Variants in SPINK5 observed in about 807,000 individuals in gnomAD.
The protein encoded by SPINK5 is serine peptidase inhibitor Kazal type 5.
In SPINK5, 125 loss-of-function variants were observed where a neutral mutation model predicts 151.8. The ratio of observed to expected loss-of-function variants is 0.82; its 90% CI spans 0.71 to 0.96. SPINK5 has a LOEUF of 0.96. SPINK5 is among the 40% of genes least tolerant of loss of function. The pLI is 0.00. For missense variants in SPINK5, 1,194 were observed against 1,291.9 expected (o/e 0.92, Z 1.16); for synonymous variants, 374 against 395.3 (o/e 0.95, Z 0.64).
chr5:148,123,727 C>T (rs1754352446), intron 26 of SPINK5, 106 bp from the exon 27 acceptor site: 1 of 1,502,622 alleles, frequency 6.7e-7, no homozygotes, highest in South Asian at 1.2e-5. Flanking sequence ...TTTCACTTCT[C>T]TGTTTTTTTC....
At chr5:148,136,938 A>G (rs766055153) in intron 32 of SPINK5, 45 bp from the exon 33 acceptor site, 1 of 1,612,678 alleles carries the variant, frequency 6.2e-7, no homozygotes, top group Non-Finnish European at 8.5e-7. Flanking sequence ...CATTTCTGCA[A>G]TATCTCTGGG....
rs548838848 is a variant in SPINK5, at chr5:148,101,837, A to C, written c.1359A>C (p.Arg453Ser). The stretch of plus-strand genomic sequence containing the variant: ...AAAACGGACGGCTTTTTTGCACCAG[A>C]GAGAATGACCCCATCCAGGGCCCAG... ...SRKNGRLFCT[R>S]ENDPIQGPDG... The change falls in exon 15 of 33, where the codon AGA (arginine) becomes AGC (serine). Residue 453 changes from arginine to serine, a missense_variant. Transcript: ENST00000256084. 1 of 1,613,858 alleles carries C rather than the reference A, an allele frequency of 6.2e-7. No individual in the cohort carries two copies. The highest frequency in any genetic ancestry group is 1.1e-5 in the South Asian group (1 of 91,082).
intron 26 of SPINK5, among the ~76,000 whole-genome samples, chr5:148,123,533 A>G (rs1294438644): frequency 7.2e-5 from 2 of 27,634 alleles, no homozygotes; most frequent in African/African-American, 1.7e-4. Context: ...ATATATATAT[A>G]TATATATATA....
At chr5:148,079,445 C>A (rs1314820617) in intron 4 of SPINK5, among the ~76,000 whole-genome samples, 3 of 151,008 alleles carry the variant, frequency 2.0e-5, no homozygotes, top group Non-Finnish European at 4.5e-5. Context: ...ATGTAGAAGA[C>A]ATCACAAAAG....
At position 148,136,982 on chromosome 5, in the gene SPINK5, G is replaced by A; in HGVS notation, c.3187-1G>A. 1 of 1,613,612 alleles carries A rather than the reference G, an allele frequency of 6.2e-7. No homozygotes were observed. Among genetic ancestry groups the A allele is most frequent in the East Asian group, 2.2e-5 (1 of 44,840 alleles). ...TCTAACCTACCCATCTTCTCTTCTA[G>A]GACGAATGACAGGAAGATTGTTGAA... On this transcript the variant is annotated splice_acceptor_variant, in intron 32 of 32. Coordinates refer to ENST00000256084, the MANE Select transcript of SPINK5 (RefSeq NM_006846.4). LOFTEE classifies it high-confidence loss of function.
intron 8 of SPINK5, 128 bp from the exon 9 acceptor site, chr5:148,094,226 T>G: frequency 1.0e-6 from 1 of 1,004,976 alleles, no homozygotes; most frequent in Non-Finnish European, 1.5e-6. Flanking sequence ...GCCTAGAGGT[T>G]AGAGGCTTCA....
At chr5:148,088,639 G>A in intron 6 of SPINK5, 34 bp downstream of exon 6, 1 of 1,602,282 alleles carries the variant, frequency 6.2e-7, no homozygotes, top group East Asian at 2.2e-5. Flanking sequence ...GGGAAATACT[G>A]GGAGGCTAAC....
chr5:148,134,302 C>G (rs1754645998), intron 32 of SPINK5, among the ~76,000 whole-genome samples: 1 of 152,008 alleles, frequency 6.6e-6, no homozygotes, highest in Non-Finnish European at 1.5e-5. Context: ...AATTATTTCC[C>G]AGCATTAAAA....
At chr5:148,133,908 GCCTC>G (rs1754635773) in intron 32 of SPINK5, 21 bp downstream of exon 32, 1 of 1,612,714 alleles carries the variant, frequency 6.2e-7, no homozygotes, top group Non-Finnish European at 8.5e-7. Context: ...AAGTAGACTG[GCCTC>G]CATGGTTACG....
intron 18 of SPINK5, among the ~76,000 whole-genome samples, chr5:148,110,345 A>G (rs1753893375): frequency 2.6e-5 from 4 of 152,072 alleles, no homozygotes; most frequent in Admixed American, 2.6e-4. Flanking sequence ...TCAACATACA[A>G]TGAACTTTAC....
At chr5:148,091,870 A>G (rs866411027) in intron 8 of SPINK5, among the ~76,000 whole-genome samples, 1 of 151,970 alleles carries the variant, frequency 6.6e-6, no homozygotes. Flanking sequence ...TCTAGTATAA[A>G]AAGTTTTGAA....
intron 4 of SPINK5, among the ~76,000 whole-genome samples, chr5:148,083,899 C>T (rs1422347257): frequency 6.6e-6 from 1 of 151,680 alleles, no homozygotes; most frequent in Non-Finnish European, 1.5e-5. Context: ...ATCTGGTTCA[C>T]AAGTTCATTA....
At chr5:148,126,307 A>AATGATGATG (rs10653454) in intron 29 of SPINK5, among the ~76,000 whole-genome samples, 2,600 of 150,686 alleles carry the variant, frequency 0.017, 74 homozygotes, top group African/African-American at 0.06. Context: ...GGACATTATA[A>AATGATGATG]ATGATGATGA....
At chr5:148,088,462 T>C (rs1753218367) in intron 5 of SPINK5, 80 bp from the exon 6 acceptor site, 8 of 1,222,190 alleles carry the variant, frequency 6.5e-6, no homozygotes, top group Non-Finnish European at 9.7e-6. Flanking sequence ...AGAATGACAA[T>C]GCAATGTAGA....
At chr5:148,073,199 C>A (rs1752787028) in intron 4 of SPINK5, among the ~76,000 whole-genome samples, 2 of 151,784 alleles carry the variant, frequency 1.3e-5, no homozygotes, top group African/African-American at 4.8e-5. Flanking sequence ...TCTCTGCTGG[C>A]CCCAACACGT....
In SPINK5 at chr5:148,070,375, C is replaced by A. The variant is rs951311428; in HGVS notation, c.134C>A (p.Pro45His). 1.9e-6 allele frequency: 3 copies of A among 1,612,518 alleles called. 1 individual carries two copies. Among genetic ancestry groups the A allele is most frequent in the Admixed American group, 3.3e-5 (2 of 59,824 alleles). The change falls in exon 3 of 33, where the codon CCC becomes CAC. Residue 45 changes from proline (P) to histidine (H), a missense_variant. Pro to His is a moderately conservative substitution (Grantham distance 77). Coordinates refer to ENST00000256084, the MANE Select transcript of SPINK5 (RefSeq NM_006846.4). Reference sequence around the variant, plus strand: ...ATGAAAAATGGAAAACTGTTCTGTCCCCAGGATAAGAAATTTTTTCAAAGT... The same window carrying A: ...ATGAAAAATGGAAAACTGTTCTGTCACCAGGATAAGAAATTTTTTCAAAGT... Reference protein sequence around the residue: ...AFMKNGKLFCPQDKKFFQSLD... With the variant: ...AFMKNGKLFCHQDKKFFQSLD...
chr5:148,118,613 TTGAA>T lies in SPINK5; in HGVS notation c.2240+56_2240+59del, dbSNP rs746215948. 17 of 1,607,636 alleles carry T rather than the reference TTGAA, an allele frequency of 1.1e-5. 1 individual carries two copies. The South Asian group carries it at 1.9e-4, about 18-fold the overall frequency. ...TGTCTAAAATATAGTCACATTCCTC[TTGAA>T]TGAATGGCTATTTCTCATTTGCTAT... On this transcript the variant is annotated intron_variant, in intron 23 of 32. Transcript: ENST00000256084.
intron 12 of SPINK5, among the ~76,000 whole-genome samples, chr5:148,100,165 A>G (rs1753598115): frequency 6.6e-6 from 1 of 151,940 alleles, no homozygotes; most frequent in Non-Finnish European, 1.5e-5. Flanking sequence ...CTCAGATTTT[A>G]TTGTACCCTG....
At chr5:148,121,733 G>A (rs894958772) in intron 26 of SPINK5, among the ~76,000 whole-genome samples, 8 of 151,736 alleles carry the variant, frequency 5.3e-5, no homozygotes, top group African/African-American at 1.9e-4. Flanking sequence ...CAGAGCAAGA[G>A]AATTGCTTGA....
Sources: gnomAD v4.1 joint callset for allele counts (sites outside exome capture counted in the v4.1 genomes callset) on GRCh38, gnomAD v4.1.1 for gene constraint, MANE v1.5 for transcripts, NCBI Gene and HGNC (gene_info 2026-07-23, HGNC 2026-07-21) for gene names.